RRM2: variants seen among roughly 807,000 people sequenced by gnomAD.
The protein encoded by RRM2 is ribonucleotide reductase regulatory subunit M2.
A neutral mutation model predicts 45.9 loss-of-function variants in RRM2; 6 were observed. The observed-to-expected ratio is 0.13, with a 90% CI of 0.07 to 0.26. The LOEUF is 0.26. Ranked by LOEUF, RRM2 falls within the 10% of genes least tolerant of loss-of-function variation. RRM2 has a pLI of 1.00. For synonymous variants in RRM2, 177 were observed against 173.0 expected, an observed-to-expected ratio of 1.02 and a Z score of -0.18; for missense variants, 343 against 489.5, an observed-to-expected ratio of 0.70 and a Z score of 2.82.
Position 10,171,827 on chromosome 2 carries a change from C to T in RRM2, n.482+29452C>T, listed in dbSNP as rs1421265910. 6.6e-6 allele frequency among the ~76,000 whole-genome samples: 1 copy of T among 152,218 alleles called. No individual in the cohort carries two copies. Among genetic ancestry groups the T allele is most frequent in the Non-Finnish European group, 1.5e-5 (1 of 68,034 alleles). On this transcript the variant is annotated intron_variant and non_coding_transcript_variant, in intron 3 of 3. Coordinates refer to the RRM2 transcript ENST00000381786. The surrounding 1 kb of genome is among the most constrained non-coding windows in gnomAD (Gnocchi z 4.1). ...AAAATATTGAGTGTCAGTTATGTGT[C>T]AGGCACTGTTCTGGACACGAGGTCT...
chr2:10,166,318 C>CCACA (rs2125320659), intron 3 of RRM2, among the ~76,000 whole-genome samples: 1 of 152,310 alleles, frequency 6.6e-6, no homozygotes, highest in Admixed American at 6.5e-5. Context: ...GGCCGGGGGC[C>CCACA]CACAGCCCTT....
rs1013562920 is a variant in RRM2 at position 10,185,044 on chromosome 2, A to C, written n.483-25267A>C. Among the ~76,000 whole-genome samples, 1 of 152,174 alleles carries C rather than the reference A, an allele frequency of 6.6e-6. No individual in the cohort carries two copies. The highest frequency in any genetic ancestry group is 2.4e-5 in the African/African-American group (1 of 41,432). ...GTCATTCTATTTACTGGTTTCTTTG[A>C]TCTATTTATAAAAATGAATATTTAT... is the stretch of plus-strand genomic sequence containing the variant. On this transcript the variant is annotated intron_variant and non_coding_transcript_variant, in intron 3 of 3. Transcript: ENST00000381786. The surrounding 1 kb of genome is among the most constrained non-coding windows in gnomAD (Gnocchi z 4.3).
Position 10,171,568 on chromosome 2 carries a change from T to C in RRM2, n.482+29193T>C, listed in dbSNP as rs1663806416. ...CCGGTCAGTGCCAGAGTCTCCCTAA[T>C]GTGGCCTGTGAGACAGAGCTGATGC... On this transcript the variant is annotated intron_variant and non_coding_transcript_variant, in intron 3 of 3. Coordinates refer to the RRM2 transcript ENST00000381786. The surrounding 1 kb of genome is among the most constrained non-coding windows in gnomAD (Gnocchi z 4.1). Among the ~76,000 whole-genome samples the C allele has an allele frequency of 6.6e-6, 1 of 152,142 alleles. No homozygotes were observed. Among genetic ancestry groups the C allele is most frequent in the Non-Finnish European group, 1.5e-5 (1 of 68,022 alleles).
At chr2:10,146,595 C>T (rs1663191604) in intron 3 of RRM2, among the ~76,000 whole-genome samples, 1 of 152,234 alleles carries the variant, frequency 6.6e-6, no homozygotes, top group African/African-American at 2.4e-5. Flanking sequence ...TCCCCTCTGT[C>T]CCTCCCCCCA....
chr2:10,124,356 T>C (rs571420416), intron 4 of RRM2, among the ~76,000 whole-genome samples: 2 of 152,204 alleles, frequency 1.3e-5, no homozygotes, highest in Admixed American at 1.3e-4. Flanking sequence ...TCCACCCACC[T>C]TGGCCTCCCA....
chr2:10,183,222 T>C (rs1664097151), intron 3 of RRM2, among the ~76,000 whole-genome samples: 1 of 152,168 alleles, frequency 6.6e-6, no homozygotes, highest in South Asian at 2.1e-4. Flanking sequence ...ATTGAGAGCA[T>C]GGCCAAAGAG....
chr2:10,165,563 G>T (rs990949531), intron 3 of RRM2, among the ~76,000 whole-genome samples: 6 of 152,360 alleles, frequency 3.9e-5, no homozygotes, highest in African/African-American at 1.4e-4. Context: ...GGGCAAAAGG[G>T]AGATAAATAT....
intron 3 of RRM2, among the ~76,000 whole-genome samples, chr2:10,168,966 A>T (rs1663737495): frequency 6.6e-6 from 1 of 151,842 alleles, no homozygotes; most frequent in African/African-American, 2.4e-5. Context: ...CTTAATTATT[A>T]TTATAATATT....
intron 3 of RRM2, among the ~76,000 whole-genome samples, chr2:10,193,620 G>A (rs13407907): frequency 0.12 from 17,771 of 152,240 alleles, 1,765 homozygotes; most frequent in East Asian, 0.33. Flanking sequence ...AGCAAACATC[G>A]CTGACTGCCT....
intron 3 of RRM2, among the ~76,000 whole-genome samples, chr2:10,181,084 G>A (rs4668666): frequency 0.25 from 37,406 of 152,066 alleles, 5,143 homozygotes; most frequent in East Asian, 0.51. Flanking sequence ...GCACTTTAGA[G>A]TATTGATAAC....
In RRM2 at chr2:10,205,744, T is replaced by TA. The variant is rs1664650243; in HGVS notation, n.483-4567_483-4566insA. On this transcript the variant is annotated intron_variant and non_coding_transcript_variant, in intron 3 of 3. Coordinates refer to the RRM2 transcript ENST00000381786. This position sits in a 1 kb window ranked among gnomAD's most constrained non-coding sequence, Gnocchi z 4.8. The stretch of plus-strand genomic sequence containing the variant: ...TCTTGCTGTGTCACCCAGGCTGGAG[T>TA]GCAATGGTGCAATCTCCGCTCACTG... Among the ~76,000 whole-genome samples the TA allele has an allele frequency of 6.6e-6, 1 of 152,018 alleles. No individual in the cohort carries two copies. Among genetic ancestry groups the TA allele is most frequent in the Admixed American group, 6.5e-5 (1 of 15,274 alleles).
At chr2:10,181,598 T>A (rs949538947) in intron 3 of RRM2, among the ~76,000 whole-genome samples, 1 of 151,962 alleles carries the variant, frequency 6.6e-6, no homozygotes, top group Non-Finnish European at 1.5e-5. Flanking sequence ...AGGCTAGAAA[T>A]TTCCCTCTGA....
intron 3 of RRM2, among the ~76,000 whole-genome samples, chr2:10,192,439 G>A (rs1485987927): frequency 2.0e-5 from 3 of 152,214 alleles, no homozygotes; most frequent in Non-Finnish European, 4.4e-5. Flanking sequence ...CTCCAGCTCT[G>A]GAGAACACAC....
chr2:10,159,026 A>T (rs1663496815), intron 3 of RRM2, among the ~76,000 whole-genome samples: 1 of 151,740 alleles, frequency 6.6e-6, no homozygotes, highest in African/African-American at 2.4e-5. Context: ...TCCATAAATG[A>T]GTCATTTATA....
At position 10,128,807 on chromosome 2, in the gene RRM2, G is replaced by A. The variant is rs761047982; in HGVS notation, c.799-41G>A. The A allele has an allele frequency of 6.0e-6, 8 of 1,344,506 alleles. No individual in the cohort carries two copies. The Middle Eastern group carries it at 1.1e-3, about 181-fold the overall frequency. The allele number at this position is 1,344,506 out of a possible 1,614,324, so 83.3% of individuals were successfully genotyped here. A position where few individuals can be genotyped will look rare whatever the true frequency, so the allele number is the denominator to read the frequency against. On this transcript the variant is annotated intron_variant, in intron 7 of 9. Transcript: ENST00000304567. ...AATTTCATATTCCATGTTAATGACA[G>A]AAGTCTTCTGGCTTTAGTGATCTTG... is the stretch of plus-strand genomic sequence containing the variant.
At chr2:10,161,449 G>A (rs1039188473) in intron 3 of RRM2, among the ~76,000 whole-genome samples, 16 of 152,110 alleles carry the variant, frequency 1.1e-4, no homozygotes, top group African/African-American at 3.1e-4. Flanking sequence ...CACCACCCGC[G>A]TGCACGAGGG....
chr2:10,144,547 A>T (rs12692399), intron 3 of RRM2, among the ~76,000 whole-genome samples: 5 of 151,930 alleles, frequency 3.3e-5, no homozygotes, highest in Admixed American at 2.0e-4. Context: ...TCCCAAACAC[A>T]TGTGACCTCA....
chr2:10,165,347 A>T (rs1347439039), intron 3 of RRM2, among the ~76,000 whole-genome samples: 1 of 152,202 alleles, frequency 6.6e-6, no homozygotes, highest in Non-Finnish European at 1.5e-5. Context: ...CTCTGGGATG[A>T]AATTTCAGCC....
intron 3 of RRM2, among the ~76,000 whole-genome samples, chr2:10,186,530 A>C (rs10929639): frequency 0.32 from 48,385 of 151,908 alleles, 8,811 homozygotes; most frequent in East Asian, 0.52. Context: ...CGTAGTGTGT[A>C]CAACAGTTAA....
Sources: allele counts gnomAD v4.1 joint callset (sites outside exome capture counted in the v4.1 genomes callset), GRCh38; gene constraint gnomAD v4.1.1; non-coding constraint Gnocchi (gnomAD v3.1); transcripts MANE v1.5; gene names NCBI Gene and HGNC (gene_info 2026-07-23, HGNC 2026-07-21).